Variants in MYO1F observed in about 807,000 individuals in gnomAD.
The protein encoded by MYO1F is myosin IF, also known as unconventional myosin-If.
MYO1F carries 60 observed loss-of-function variants against 146.6 expected under a neutral mutation model. The ratio of observed to expected loss-of-function variants is 0.41; its 90% confidence interval spans 0.33 to 0.51. The LOEUF (loss-of-function observed/expected upper bound fraction) is 0.51, where lower values mean the gene tolerates loss of function less well. Among genes scored for constraint, MYO1F ranks in the 20% least tolerant of loss-of-function variants. The probability of loss-of-function intolerance (pLI) is 0.25; values close to 1 mark genes in which losing one functional copy is unlikely to be tolerated. For missense variants in MYO1F, 1,274 were observed against 1,534.3 expected, an observed-to-expected ratio of 0.83 and a Z score of 2.83; for synonymous variants, 602 against 602.1, an observed-to-expected ratio of 1.00 and a Z score of 0.00.
rs190144113 is a variant in MYO1F, at chr19:8,531,028, G to T, written c.2044-455C>A. Among the ~76,000 whole-genome samples the T allele has an allele frequency of 5.3e-3, 801 of 151,978 alleles. 7 individuals carry two copies. Among genetic ancestry groups the T allele is most frequent in the African/African-American group, 0.018 (753 of 41,436 alleles). Reference sequence around the variant, plus strand: ...CATTGCACTCCAGCCTGGACAACAAGAGTGAAACTCCATCTCAAAAAGACA... The same window carrying T: ...CATTGCACTCCAGCCTGGACAACAATAGTGAAACTCCATCTCAAAAAGACA... On this transcript the variant is annotated intron_variant, in intron 19 of 27. Coordinates refer to ENST00000644032, the MANE Select transcript of MYO1F (RefSeq NM_012335.4).
At chr19:8,549,971 G>GA in intron 10 of MYO1F, 189 bp downstream of exon 10, 1 of 682,976 alleles carries the variant, frequency 1.5e-6, no homozygotes, top group Non-Finnish European at 2.5e-6. Flanking sequence ...CAACTAATTT[G>GA]AAATTTCTGT....
intron 2 of MYO1F, among the ~76,000 whole-genome samples, 177 bp from the exon 3 acceptor site, chr19:8,554,920 A>G (rs1349915071): frequency 6.6e-6 from 1 of 152,074 alleles, no homozygotes; most frequent in Non-Finnish European, 1.5e-5. Context: ...GCGGTGGCTC[A>G]TGCCTGTAAT....
intron 8 of MYO1F, chr19:8,551,431 AACTTCC>A (rs931740923): frequency 1.8e-5 from 5 of 278,298 alleles, no homozygotes; most frequent in Non-Finnish European, 2.7e-5. Context: ...GGCTCACTGC[AACTTCC>A]ACCTCCCGTT....
intron 1 of MYO1F, among the ~76,000 whole-genome samples, chr19:8,565,349 C>T (rs2041983452): frequency 6.6e-6 from 1 of 151,770 alleles, no homozygotes; most frequent in Non-Finnish European, 1.5e-5. Context: ...TTGAGACCAG[C>T]CTGACCAACG....
intron 24 of MYO1F, among the ~76,000 whole-genome samples, chr19:8,526,121 G>A (rs1972255581): frequency 6.6e-6 from 1 of 152,196 alleles, no homozygotes; most frequent in Non-Finnish European, 1.5e-5. Context: ...GAGGTAATGA[G>A]TTCAAGACCA....
chr19:8,575,878 C>T (rs1798170922), intron 1 of MYO1F, among the ~76,000 whole-genome samples: 1 of 152,210 alleles, frequency 6.6e-6, no homozygotes, highest in African/African-American at 2.4e-5. Context: ...GATCAAAGCC[C>T]TGCCCATCCC....
intron 19 of MYO1F, among the ~76,000 whole-genome samples, chr19:8,532,367 C>A (rs1002317886): frequency 1.3e-5 from 2 of 152,038 alleles, no homozygotes; most frequent in African/African-American, 4.8e-5. Flanking sequence ...AGTCAAAGTA[C>A]AAAGTCTAAG....
Position 8,561,444 on chromosome 19 carries a change from C to T in MYO1F, c.4-5648G>A, listed in dbSNP as rs116559216. Among the ~76,000 whole-genome samples the T allele has an allele frequency of 9.2e-3, 984 of 107,376 alleles. 11 individuals carry two copies. The highest frequency in any genetic ancestry group is 0.036 in the African/African-American group (955 of 26,394). 70.4% of individuals were successfully genotyped at this position (107,376 alleles called of 152,430 possible). On this transcript the variant is annotated intron_variant, in intron 1 of 27. Coordinates refer to ENST00000644032, the MANE Select transcript of MYO1F (RefSeq NM_012335.4). ...CTTCCTTTCTCCTCTCCCTCCCTTC[C>T]TTCCTCCCTCTCTCCCTCTCTCTCT...
In MYO1F at chr19:8,526,805, G is replaced by A. The variant is rs1285294817; in HGVS notation, c.2605C>T (p.Leu869Phe). The A allele has an allele frequency of 7.4e-6, 12 of 1,612,362 alleles. No homozygotes were observed. In the Admixed American group the frequency reaches 1.7e-4, roughly 22 times the overall value. ...GGGCCGTACGTGTCGCTGAAGGTGA[G>A]GGGCAGGGGCCTCCGCGTCGCCTCC... ...FEEATRRPLP[L>F]TFSDTLQFRV... is the part of the protein sequence containing the mutation. Residue 869 changes from leucine (L) to phenylalanine (F), a missense_variant, in exon 23 of 28, where the codon CTC becomes TTC. Coordinates refer to ENST00000644032, the MANE Select transcript of MYO1F (RefSeq NM_012335.4).
chr19:8,560,929 G>T (rs961049666), intron 1 of MYO1F, among the ~76,000 whole-genome samples: 1 of 152,078 alleles, frequency 6.6e-6, no homozygotes, highest in East Asian at 1.9e-4. Context: ...GGTAGAGACG[G>T]GGTTTCACTG....
At position 8,577,020 on chromosome 19, in the gene MYO1F, CT is replaced by C; in HGVS notation, c.3+286del. ...AGCAAAGGAGGCTATGTCCTTGTCC[CT>C]GCAGACTCTGTGATTCTCCCTGGGC... On this transcript the variant is annotated intron_variant, in intron 1 of 27. Transcript: ENST00000644032. The surrounding 1 kb of genome is among the most constrained non-coding windows in gnomAD (Gnocchi z 4.3). 1.7e-6 allele frequency: 1 copy of C among 592,272 alleles called. No individual in the cohort carries two copies. The highest frequency in any genetic ancestry group is 2.0e-5 in the South Asian group (1 of 50,472). The allele number at this position is 592,272 out of a possible 1,614,324, so 36.7% of individuals were successfully genotyped here.
chr19:8,564,954 G>A (rs1013015711), intron 1 of MYO1F, among the ~76,000 whole-genome samples: 1 of 151,716 alleles, frequency 6.6e-6, no homozygotes, highest in Admixed American at 6.6e-5. Flanking sequence ...TGTGTTTTTA[G>A]TAGAGACAGG....
At chr19:8,562,173 T>A (rs899972525) in intron 1 of MYO1F, among the ~76,000 whole-genome samples, 5 of 151,960 alleles carry the variant, frequency 3.3e-5, no homozygotes, top group African/African-American at 1.2e-4. Context: ...CTTTTTTTTT[T>A]TGTATTTTTA....
chr19:8,546,905 C>T (rs968839670), intron 12 of MYO1F, among the ~76,000 whole-genome samples: 87 of 152,200 alleles, frequency 5.7e-4, no homozygotes, highest in African/African-American at 2.0e-3. Flanking sequence ...TCTCAAACTC[C>T]TGACCTCAGG....
In MYO1F at chr19:8,521,279, C is replaced by T. The variant is rs1187754629; in HGVS notation, c.*249G>A. 4 of 553,814 alleles carry T rather than the reference C, an allele frequency of 7.2e-6. No individual in the cohort carries two copies. Among genetic ancestry groups the T allele is most frequent in the Non-Finnish European group, 1.3e-5 (4 of 305,896 alleles). 34.3% of individuals were successfully genotyped at this position (553,814 alleles called of 1,614,324 possible). On this transcript the variant is annotated 3_prime_UTR_variant, in exon 28 of 28. Transcript: ENST00000644032. ...TGGGAGGTAGATTCTGCTGTTAGTCCCCTTTGACACACACAGAAATGGAGA... is the reference window on the plus strand; with the variant it reads ...TGGGAGGTAGATTCTGCTGTTAGTCTCCTTTGACACACACAGAAATGGAGA...
In MYO1F at chr19:8,552,224, T is replaced by C. The variant is rs926862188; in HGVS notation, c.505-60A>G. The C allele has an allele frequency of 3.8e-6, 6 of 1,592,870 alleles. No homozygotes were observed. The African/African-American group carries it at 5.4e-5, about 14-fold the overall frequency. On this transcript the variant is annotated intron_variant, in intron 6 of 27. Transcript: ENST00000644032. ...TCCTGGGGTGCAGGTGGGGGAAGGG[T>C]TGGGGATGGGTCTTATGAGCCTTGC...
Position 8,521,164 on chromosome 19 carries a change from C to T in MYO1F, c.*364G>A, listed in dbSNP as rs576916415. 7 of 360,462 alleles carry T rather than the reference C, an allele frequency of 1.9e-5. No homozygotes were observed. Among genetic ancestry groups the T allele is most frequent in the Admixed American group, 1.2e-4 (3 of 25,826 alleles). The allele number at this position is 360,462 out of a possible 1,614,324, so 22.3% of individuals were successfully genotyped here. A position where few individuals can be genotyped will look rare whatever the true frequency, so the allele number is the denominator to read the frequency against. On this transcript the variant is annotated 3_prime_UTR_variant, in exon 28 of 28. Transcript: ENST00000644032. The stretch of plus-strand genomic sequence containing the variant: ...AGTGATGACAGAATGAGCAAAGTCA[C>T]GCTTGTTAAGGACCCCCCCCTCCCC...
intron 1 of MYO1F, among the ~76,000 whole-genome samples, chr19:8,570,008 C>T (rs1600060698): frequency 6.6e-6 from 1 of 152,014 alleles, no homozygotes; most frequent in Non-Finnish European, 1.5e-5. Context: ...CAGGCTCAAG[C>T]GAATCCTCCT....
chr19:8,522,011 T>C (rs1972076244), intron 27 of MYO1F, among the ~76,000 whole-genome samples: 1 of 144,394 alleles, frequency 6.9e-6, no homozygotes, highest in African/African-American at 2.7e-5. Context: ...CCTGGCAATG[T>C]CAGTCAGGGT....
Sources: allele counts gnomAD v4.1 joint callset (sites outside exome capture counted in the v4.1 genomes callset), GRCh38; gene constraint gnomAD v4.1.1; non-coding constraint Gnocchi (gnomAD v3.1); transcripts MANE v1.5; gene names NCBI Gene and HGNC (gene_info 2026-07-23, HGNC 2026-07-21).